Variants in IFI44 observed in about 807,000 individuals in gnomAD.
IFI44 encodes interferon induced protein 44.
In IFI44, 42 loss-of-function variants were observed where a neutral mutation model predicts 45.0. The ratio of observed to expected loss-of-function variants is 0.93; its 90% CI spans 0.73 to 1.21. The LOEUF is 1.21. IFI44 is among the 50% of genes most tolerant of loss of function. The pLI is 0.00. For synonymous variants in IFI44, 221 were observed against 188.6 expected (o/e 1.17, Z -1.41); for missense variants, 623 against 525.8 (o/e 1.18, Z -1.81).
rs1227067784 is a variant in IFI44 at position 78,655,273 on chromosome 1, CT to C, written c.690+68del. 1.9e-6 allele frequency: 3 copies of C among 1,566,680 alleles called. No individual in the cohort carries two copies. The African/African-American group carries it at 4.1e-5, about 21-fold the overall frequency. On this transcript the variant is annotated intron_variant, in intron 4 of 8. Transcript: ENST00000370747. ...TTCAAATCAATTATATTTCAAAAGC[CT>C]TTTGCAGATCAACTTTATTACATAT...
intron 7 of IFI44, chr1:78,662,471 T>C: frequency 2.2e-6 from 1 of 462,274 alleles, no homozygotes. Context: ...ATAAAAATTT[T>C]GTTTCTAAAT....
Position 78,663,766 on chromosome 1 carries a change from G to T in IFI44, c.1290G>T (p.Gly430=), listed in dbSNP as rs1232028217. The change falls in exon 9 of 9, where the codon GGG becomes GGT. Residue 430 remains glycine, a splice_region_variant and synonymous_variant. Transcript: ENST00000370747. ...AATATTTTGTGTTTCTTTTCTCAGGGAATCTAAGGGAGGAAATTATCAACT... is the reference window on the plus strand; with the variant it reads ...AATATTTTGTGTTTCTTTTCTCAGGTAATCTAAGGGAGGAAATTATCAACT... ...FLEDLPFEQI[G]NLREEIINCA... is the part of the protein sequence containing the mutation. 4.3e-6 allele frequency: 7 copies of T among 1,611,448 alleles called. No individual in the cohort carries two copies. Among genetic ancestry groups the T allele is most frequent in the Non-Finnish European group, 5.1e-6 (6 of 1,179,206 alleles).
chr1:78,651,710 A>G (rs1647127567), intron 2 of IFI44, among the ~76,000 whole-genome samples: 1 of 152,042 alleles, frequency 6.6e-6, no homozygotes, highest in South Asian at 2.1e-4. Context: ...CCTCCTTCCA[A>G]CAGTCCCTGG....
Position 78,654,243 on chromosome 1 carries a change from A to G in IFI44, c.458A>G (p.Asp153Gly), listed in dbSNP as rs745537590. The change falls in exon 3 of 9, where the codon GAT becomes GGT. Residue 153 changes from aspartate to glycine, a missense_variant and splice_region_variant. Transcript: ENST00000370747. ...IQDYEVFRCE[D>G]SLDERKIKGV... is the part of the protein sequence containing the mutation. ...CATTATTCTTTGATTATTTCCCCAG[A>G]TTCACTGGATGAAAGAAAGATAAAA... 3 of 1,481,160 alleles carry G rather than the reference A, an allele frequency of 2.0e-6. No individual in the cohort carries two copies. The highest frequency in any genetic ancestry group is 2.8e-6 in the Non-Finnish European group (3 of 1,061,120). The allele number at this position is 1,481,160 out of a possible 1,614,324, so 91.8% of individuals were successfully genotyped here. A position where few individuals can be genotyped will look rare whatever the true frequency, so the allele number is the denominator to read the frequency against.
intron 5 of IFI44, among the ~76,000 whole-genome samples, chr1:78,656,982 G>GT (rs1647226438): frequency 6.6e-6 from 1 of 150,900 alleles, no homozygotes; most frequent in South Asian, 2.1e-4. Context: ...AGCCAATCTC[G>GT]TTTTATCTAT....
At chr1:78,650,819 T>A (rs1478085379) in intron 2 of IFI44, among the ~76,000 whole-genome samples, 167 bp downstream of exon 2, 1 of 152,212 alleles carries the variant, frequency 6.6e-6, no homozygotes, top group Middle Eastern at 3.2e-3. Flanking sequence ...CCATGGTCAA[T>A]AAAATGTATA....
At chr1:78,658,354 A>ATCAAAAC (rs1195857628) in intron 5 of IFI44, among the ~76,000 whole-genome samples, 5 of 152,126 alleles carry the variant, frequency 3.3e-5, no homozygotes, top group African/African-American at 1.2e-4. Flanking sequence ...TATAATCACA[A>ATCAAAAC]TCAAAACTGG....
rs935307724 is a variant in IFI44 at position 78,663,023 on chromosome 1, A to C, written c.1288+145A>C. 5 of 1,512,922 alleles carry C rather than the reference A, an allele frequency of 3.3e-6. No homozygotes were observed. The Admixed American group carries it at 1.1e-4, about 33-fold the overall frequency. The allele number at this position is 1,512,922 out of a possible 1,614,324, so 93.7% of individuals were successfully genotyped here. A position where few individuals can be genotyped will look rare whatever the true frequency, so the allele number is the denominator to read the frequency against. ...TTCTGCTTTTTAACCCACTCCCTGGATGCATTTTTCCCTCCTTGCATTTCC... is the reference window on the plus strand; with the variant it reads ...TTCTGCTTTTTAACCCACTCCCTGGCTGCATTTTTCCCTCCTTGCATTTCC... On this transcript the variant is annotated intron_variant, in intron 8 of 8. Transcript: ENST00000370747.
At chr1:78,653,221 T>C (rs1647151492) in intron 2 of IFI44, among the ~76,000 whole-genome samples, 1 of 152,116 alleles carries the variant, frequency 6.6e-6, no homozygotes, top group Non-Finnish European at 1.5e-5. Context: ...AATGTTTTCC[T>C]TCTTGCCATT....
At chr1:78,654,310 CTCT>C (rs1423504889) in intron 3 of IFI44, 31 bp downstream of exon 3, 1 of 1,173,506 alleles carries the variant, frequency 8.5e-7, no homozygotes, top group South Asian at 1.2e-5. Context: ...TTCTATTACT[CTCT>C]TCATTATCTT....
intron 2 of IFI44, among the ~76,000 whole-genome samples, chr1:78,651,844 G>T (rs527961125): frequency 2.0e-5 from 3 of 152,026 alleles, no homozygotes; most frequent in Admixed American, 1.3e-4. Flanking sequence ...ATCTAATATT[G>T]CTGTATTAGT....
In IFI44 at chr1:78,655,040, T is replaced by C. The variant is rs767397102; in HGVS notation, c.521T>C (p.Leu174Ser). ...CTCAGGAAGAGCTTACTGTCTGCCT[T>C]GAGAACTTATGAACCATATGGATCC... The part of the protein sequence containing the change: ...IELRKSLLSA[L>S]RTYEPYGSLV... The change falls in exon 4 of 9, where the codon TTG (leucine) becomes TCG (serine). Residue 174 changes from leucine to serine, a missense_variant. Coordinates refer to ENST00000370747, the MANE Select transcript of IFI44 (RefSeq NM_006417.5). 6 of 1,613,382 alleles carry C rather than the reference T, an allele frequency of 3.7e-6. No individual in the cohort carries two copies. The highest frequency in any genetic ancestry group is 5.1e-6 in the Non-Finnish European group (6 of 1,179,650).
intron 5 of IFI44, among the ~76,000 whole-genome samples, chr1:78,656,246 A>G (rs907588635): frequency 1.3e-5 from 2 of 152,226 alleles, no homozygotes; most frequent in African/African-American, 2.4e-5. Context: ...TTTATGTGAA[A>G]AAACACTGAG....
At chr1:78,662,965 C>CT (rs758555190) in intron 8 of IFI44, 87 bp downstream of exon 8, 3 of 1,607,142 alleles carry the variant, frequency 1.9e-6, no homozygotes, top group African/African-American at 1.3e-5. Flanking sequence ...TGGCAGCTCT[C>CT]TGTCTTTTTG....
chr1:78,659,680 G>A (rs1647344100), intron 6 of IFI44, among the ~76,000 whole-genome samples, 197 bp downstream of exon 6: 3 of 152,174 alleles, frequency 2.0e-5, no homozygotes, highest in Non-Finnish European at 4.4e-5. Flanking sequence ...AACTCTCTGT[G>A]CCTCAATTCT....
At chr1:78,660,511 C>T (rs1647386490) in intron 6 of IFI44, 43 bp from the exon 7 acceptor site, 1 of 1,353,758 alleles carries the variant, frequency 7.4e-7, no homozygotes, top group South Asian at 1.2e-5. Context: ...CTTGAAAATA[C>T]TGATGCTCTC....
Position 78,663,967 on chromosome 1 carries a change from A to T in IFI44, c.*156A>T. 1 of 461,414 alleles carries T rather than the reference A, an allele frequency of 2.2e-6. No individual in the cohort carries two copies. The allele number at this position is 461,414 out of a possible 1,614,324, so 28.6% of individuals were successfully genotyped here. On this transcript the variant is annotated 3_prime_UTR_variant, in exon 9 of 9. Coordinates refer to ENST00000370747, the MANE Select transcript of IFI44 (RefSeq NM_006417.5). The stretch of plus-strand genomic sequence containing the variant: ...GCATAGAACATTGTAGTACTTGTAA[A>T]TAACTAGAAATAACATGATTTAGTC...
At position 78,650,653 on chromosome 1, in the gene IFI44, G is replaced by A. The variant is rs367958958; in HGVS notation, c.457+1G>A. ...GATTATGAAGTTTTTCGATGCGAAG[G>A]TAGGTTTAATTAGATAATCCTGTAG... On this transcript the variant is annotated splice_donor_variant, in intron 2 of 8. Coordinates refer to ENST00000370747, the MANE Select transcript of IFI44 (RefSeq NM_006417.5). LOFTEE classifies it high-confidence loss of function. 84 of 1,563,872 alleles carry A rather than the reference G, an allele frequency of 5.4e-5. No individual in the cohort carries two copies. Among genetic ancestry groups the A allele is most frequent in the Non-Finnish European group, 6.5e-5 (75 of 1,154,336 alleles).
chr1:78,656,290 A>G (rs1224191289), intron 5 of IFI44, among the ~76,000 whole-genome samples: 3 of 152,216 alleles, frequency 2.0e-5, no homozygotes, highest in Admixed American at 2.0e-4. Flanking sequence ...GGAAGGGGAG[A>G]TCAAAAAACC....
Sources: gnomAD v4.1 joint callset for allele counts (sites outside exome capture counted in the v4.1 genomes callset) on GRCh38, gnomAD v4.1.1 for gene constraint, MANE v1.5 for transcripts, NCBI Gene and HGNC (gene_info 2026-07-23, HGNC 2026-07-21) for gene names.